Variants in XIRP2 observed in about 807,000 individuals in gnomAD.
XIRP2 encodes xin actin-binding repeat-containing protein 2.
Under a neutral mutation model 277.0 loss-of-function variants are expected in XIRP2, and 236 were observed. The ratio of observed to expected loss-of-function variants is 0.85; its 90% confidence interval spans 0.77 to 0.95. XIRP2 has a LOEUF of 0.95. XIRP2 is among the 40% of genes least tolerant of loss of function. XIRP2 has a pLI of 0.00. For missense variants in XIRP2, 4,640 were observed against 4,157.5 expected, an observed-to-expected ratio of 1.12 and a Z score of -3.19; for synonymous variants, 1,490 against 1,416.5, an observed-to-expected ratio of 1.05 and a Z score of -1.17.
chr2:167,217,246 C>A (rs183885736), intron 4 of XIRP2, among the ~76,000 whole-genome samples: 1 of 148,238 alleles, frequency 6.7e-6, no homozygotes, highest in Non-Finnish European at 1.5e-5. Context: ...AACTAACCTG[C>A]GCAATGTGCA....
chr2:167,213,711 G>C (rs76348016), intron 4 of XIRP2, among the ~76,000 whole-genome samples: 1 of 152,150 alleles, frequency 6.6e-6, no homozygotes, highest in Non-Finnish European at 1.5e-5. Context: ...GTCCCCACCT[G>C]AGCAAGGAAG....
Position 167,135,617 on chromosome 2 carries a change from G to A in XIRP2, c.409-292G>A, listed in dbSNP as rs568842642. Reference sequence around the variant, plus strand: ...TGCATCCATTAACATATATTATGTTGTATTGTGACCCTTATTTCCACTCTC... The same window carrying A: ...TGCATCCATTAACATATATTATGTTATATTGTGACCCTTATTTCCACTCTC... On this transcript the variant is annotated intron_variant, in intron 2 of 10. Coordinates refer to ENST00000409195, the MANE Select transcript of XIRP2 (RefSeq NM_152381.6). Among the ~76,000 whole-genome samples, 40 of 152,068 alleles carry A rather than the reference G, an allele frequency of 2.6e-4. 1 individual carries two copies. The highest frequency in any genetic ancestry group is 8.7e-4 in the African/African-American group (36 of 41,490).
intron 2 of XIRP2, among the ~76,000 whole-genome samples, chr2:167,056,704 T>G (rs1475625451): frequency 6.6e-6 from 1 of 152,184 alleles, no homozygotes; most frequent in Non-Finnish European, 1.5e-5. Flanking sequence ...ATACATATTT[T>G]TATTTGTTTA....
intron 2 of XIRP2, among the ~76,000 whole-genome samples, chr2:167,011,584 C>T (rs898377876): frequency 6.6e-6 from 1 of 152,052 alleles, no homozygotes; most frequent in Non-Finnish European, 1.5e-5. Flanking sequence ...ATGCTGGCCT[C>T]ATAACATGAG....
chr2:167,105,424 G>A (rs1558981934), intron 2 of XIRP2, among the ~76,000 whole-genome samples: 1 of 151,816 alleles, frequency 6.6e-6, no homozygotes, highest in African/African-American at 2.4e-5. Context: ...TAACATTTTA[G>A]AATTGGCTTT....
At position 167,259,473 on chromosome 2, in the gene XIRP2, G is replaced by A. The variant is rs1176286002; in HGVS notation, c.*1656G>A. On this transcript the variant is annotated 3_prime_UTR_variant, in exon 11 of 11. Transcript: ENST00000409195. ...TTTTGAGGAACTTGATGTAAACATGGTGTTCAGAAATCTCGTGTCTATCTC... is the reference window on the plus strand; with the variant it reads ...TTTTGAGGAACTTGATGTAAACATGATGTTCAGAAATCTCGTGTCTATCTC... 1 of 1,113,432 alleles carries A rather than the reference G, an allele frequency of 9.0e-7. No homozygotes were observed. Among genetic ancestry groups the A allele is most frequent in the Admixed American group, 3.2e-5 (1 of 31,342 alleles). 69.0% of individuals were successfully genotyped at this position (1,113,432 alleles called of 1,614,324 possible). A position where few individuals can be genotyped will look rare whatever the true frequency, so the allele number is the denominator to read the frequency against.
chr2:167,230,653 A>G (rs933562542), intron 5 of XIRP2, among the ~76,000 whole-genome samples: 1 of 152,098 alleles, frequency 6.6e-6, no homozygotes, highest in African/African-American at 2.4e-5. Flanking sequence ...CTTGCATAGC[A>G]TTCTTCCCTA....
chr2:167,083,185 A>G (rs1215439274), intron 2 of XIRP2, among the ~76,000 whole-genome samples: 4 of 152,110 alleles, frequency 2.6e-5, no homozygotes, highest in African/African-American at 9.7e-5. Context: ...TCCCAGCACC[A>G]TTTATTAAAT....
At chr2:166,931,408 C>G (rs999037243) in intron 2 of XIRP2, among the ~76,000 whole-genome samples, 3 of 152,174 alleles carry the variant, frequency 2.0e-5, no homozygotes, top group African/African-American at 7.2e-5. Context: ...GACCTTCCCT[C>G]AAGCTCCTTC....
At chr2:167,184,598 A>T (rs1288663032) in intron 3 of XIRP2, 1 of 717,356 alleles carries the variant, frequency 1.4e-6, no homozygotes, top group African/African-American at 1.7e-5. Flanking sequence ...TCCAAAATTG[A>T]CAAAGACCCC....
At chr2:167,218,380 C>T in intron 5 of XIRP2, 80 bp downstream of exon 5, 1 of 1,251,716 alleles carries the variant, frequency 8.0e-7, no homozygotes, top group Non-Finnish European at 1.0e-6. Flanking sequence ...AATCTCCTTT[C>T]TTTAGTGATA....
At chr2:167,157,814 T>G (rs1038573000) in intron 3 of XIRP2, among the ~76,000 whole-genome samples, 1 of 152,110 alleles carries the variant, frequency 6.6e-6, no homozygotes, top group Admixed American at 6.6e-5. Flanking sequence ...TACAAGCCCA[T>G]GCACTGATAC....
intron 2 of XIRP2, among the ~76,000 whole-genome samples, chr2:166,939,949 A>T (rs1439882898): frequency 6.6e-6 from 1 of 152,014 alleles, no homozygotes; most frequent in African/African-American, 2.4e-5. Flanking sequence ...CTTGAGGAGA[A>T]TCTTTGTGGT....
chr2:166,976,578 C>T (rs1686722707), intron 2 of XIRP2, among the ~76,000 whole-genome samples: 1 of 152,160 alleles, frequency 6.6e-6, no homozygotes, highest in Admixed American at 6.5e-5. Flanking sequence ...TAATACCTGA[C>T]ACTCCCAATT....
intron 10 of XIRP2, among the ~76,000 whole-genome samples, 193 bp downstream of exon 10, chr2:167,254,358 A>G (rs1695602821): frequency 1.3e-5 from 2 of 151,892 alleles, no homozygotes; most frequent in Non-Finnish European, 2.9e-5. Context: ...TACTTTTCTA[A>G]TCAAATCCAA....
chr2:167,017,723 G>T (rs933661152), intron 2 of XIRP2, among the ~76,000 whole-genome samples: 8 of 152,018 alleles, frequency 5.3e-5, no homozygotes, highest in African/African-American at 1.7e-4. Flanking sequence ...AGAAACCTCT[G>T]ATTAAATTCA....
intron 2 of XIRP2, among the ~76,000 whole-genome samples, chr2:167,116,240 A>C (rs1690893303): frequency 6.6e-6 from 1 of 152,174 alleles, no homozygotes; most frequent in African/African-American, 2.4e-5. Context: ...GGTGTTAAAA[A>C]TCTTGAAGTA....
At position 167,013,630 on chromosome 2, in the gene XIRP2, A is replaced by C. The variant is rs368082983; in HGVS notation, c.408+109740A>C. Among the ~76,000 whole-genome samples the C allele has an allele frequency of 1.5e-4, 22 of 151,624 alleles. No homozygotes were observed. In the Admixed American group the frequency reaches 1.5e-3, roughly 10 times the overall value. The stretch of plus-strand genomic sequence containing the variant: ...TGAAATATAAATGAATGTACTAATT[A>C]TAACATTAGATTTTCTATTTGTCAA... On this transcript the variant is annotated intron_variant, in intron 2 of 10. Coordinates refer to ENST00000409195, the MANE Select transcript of XIRP2 (RefSeq NM_152381.6).
chr2:167,073,005 A>G (rs1574226217), intron 2 of XIRP2, among the ~76,000 whole-genome samples: 2 of 152,190 alleles, frequency 1.3e-5, no homozygotes, highest in East Asian at 1.9e-4. Context: ...TGAAACAACT[A>G]TGATACAACC....
Sources: gnomAD v4.1 joint callset for allele counts (sites outside exome capture counted in the v4.1 genomes callset) on GRCh38, gnomAD v4.1.1 for gene constraint, MANE v1.5 for transcripts, NCBI Gene and HGNC (gene_info 2026-07-23, HGNC 2026-07-21) for gene names.